The following RBFOX1 variants were observed in gnomAD, a reference collection of about 807,000 sequenced individuals.
The protein encoded by RBFOX1 is RNA binding protein fox-1 homolog 1.
In RBFOX1, 8 loss-of-function variants were observed where a neutral mutation model predicts 57.7. That is an observed-to-expected ratio of 0.14 (90% confidence interval 0.08 to 0.25). The LOEUF (loss-of-function observed/expected upper bound fraction) is 0.25. Ranked by LOEUF, RBFOX1 falls within the 10% of genes least tolerant of loss-of-function variation. RBFOX1 has a pLI of 1.00. For synonymous variants in RBFOX1, 326 were observed against 222.4 expected (o/e 1.47, Z -4.15); for missense variants, 611 against 548.5 (o/e 1.11, Z -1.14).
rs511767 is a variant in RBFOX1, at chr16:5,394,695, C to A, written c.220-72521C>A. On this transcript the variant is annotated intron_variant, in intron 1 of 2. Transcript: ENST00000585867. ...TCCTAAGTAGCTGAGACTACAGATG[C>A]ATGCAACCATATCTGGCTAATTTTT... Among the ~76,000 whole-genome samples, 301 of 151,820 alleles carry A rather than the reference C, an allele frequency of 2.0e-3. 3 individuals carry two copies. Among genetic ancestry groups the A allele is most frequent in the African/African-American group, 7.0e-3 (288 of 41,396 alleles).
chr16:7,368,996 G>T (rs1336103921), intron 4 of RBFOX1, among the ~76,000 whole-genome samples: 3 of 152,040 alleles, frequency 2.0e-5, no homozygotes, highest in Admixed American at 2.0e-4. Flanking sequence ...TGAGCAAGAA[G>T]TGCTAGATGA....
intron 2 of RBFOX1, among the ~76,000 whole-genome samples, chr16:6,579,056 A>T (rs927953995): frequency 6.6e-6 from 1 of 152,110 alleles, no homozygotes; most frequent in Non-Finnish European, 1.5e-5. Context: ...AAAAATAACA[A>T]ATAATTTTTG....
chr16:7,011,307 C>G (rs2093642737), intron 3 of RBFOX1, among the ~76,000 whole-genome samples: 1 of 152,172 alleles, frequency 6.6e-6, no homozygotes, highest in African/African-American at 2.4e-5. Context: ...ATCATTTTCA[C>G]TTTGCAGAAG....
At chr16:6,209,219 G>A (rs932908934) in intron 1 of RBFOX1, among the ~76,000 whole-genome samples, 1 of 152,108 alleles carries the variant, frequency 6.6e-6, no homozygotes, top group Non-Finnish European at 1.5e-5. Context: ...GAATGTGAAG[G>A]CATCTTCACA....
chr16:6,517,921 G>C (rs139086013), intron 2 of RBFOX1, among the ~76,000 whole-genome samples: 4 of 152,168 alleles, frequency 2.6e-5, no homozygotes, highest in African/African-American at 9.7e-5. Context: ...ATGAGATGTC[G>C]ATAGTAGTGA....
At chr16:7,120,830 T>TACACACAC (rs397836603) in intron 4 of RBFOX1, among the ~76,000 whole-genome samples, 1,416 of 86,568 alleles carry the variant, frequency 0.016, 22 homozygotes, top group African/African-American at 0.05. Context: ...TATGTATATA[T>TACACACAC]ACACACACAC....
intron 5 of RBFOX1, among the ~76,000 whole-genome samples, chr16:7,567,774 T>C (rs1422900150): frequency 2.7e-5 from 4 of 147,712 alleles, no homozygotes; most frequent in Non-Finnish European, 6.0e-5. Flanking sequence ...TATATCCCTC[T>C]CTATATATAT....
chr16:5,282,597 T>A (rs1222637609), intron 1 of RBFOX1, among the ~76,000 whole-genome samples: 1 of 135,136 alleles, frequency 7.4e-6, no homozygotes, highest in African/African-American at 2.7e-5. Flanking sequence ...ACTCCTATTA[T>A]GTTTTAGCAA....
chr16:7,530,751 A>G (rs898927886), intron 5 of RBFOX1, among the ~76,000 whole-genome samples: 5 of 152,188 alleles, frequency 3.3e-5, no homozygotes, highest in East Asian at 1.9e-4. Flanking sequence ...TGACTGTACA[A>G]TCTCTGCAGG....
chr16:5,795,829 CT>C (rs369066586), intron 3 of RBFOX1, among the ~76,000 whole-genome samples: 1 of 152,142 alleles, frequency 6.6e-6, no homozygotes, highest in Non-Finnish European at 1.5e-5. Flanking sequence ...GAAGGATTTG[CT>C]TTTTTTCACT....
intron 1 of RBFOX1, among the ~76,000 whole-genome samples, chr16:5,435,016 C>G (rs1238976631): frequency 1.3e-5 from 2 of 152,178 alleles, no homozygotes; most frequent in African/African-American, 4.8e-5. Context: ...ACTGTCCTTG[C>G]CACCCAAGCT....
chr16:7,142,998 G>A (rs2074171194), intron 4 of RBFOX1, among the ~76,000 whole-genome samples: 1 of 151,836 alleles, frequency 6.6e-6, no homozygotes, highest in South Asian at 2.1e-4. Context: ...ATTGGGACTG[G>A]GTGGTTGAGA....
At chr16:7,664,405 T>C (rs2068632697) in intron 12 of RBFOX1, among the ~76,000 whole-genome samples, 1 of 152,138 alleles carries the variant, frequency 6.6e-6, no homozygotes, top group Non-Finnish European at 1.5e-5. Flanking sequence ...TGTGAAAGAA[T>C]ATAGAAGAAA....
At chr16:5,378,174 A>G (rs2066036525) in intron 1 of RBFOX1, among the ~76,000 whole-genome samples, 1 of 151,582 alleles carries the variant, frequency 6.6e-6, no homozygotes, top group Non-Finnish European at 1.5e-5. Context: ...CGTTTTCTGG[A>G]ATATTCAGCA....
chr16:6,137,257 G>C (rs987979588), intron 1 of RBFOX1, among the ~76,000 whole-genome samples: 5 of 152,176 alleles, frequency 3.3e-5, no homozygotes, highest in Non-Finnish European at 7.3e-5. Context: ...CTATGTGCCA[G>C]ATGCTGATCT....
intron 2 of RBFOX1, among the ~76,000 whole-genome samples, chr16:6,398,815 A>G (rs890623159): frequency 2.0e-5 from 3 of 152,100 alleles, no homozygotes; most frequent in African/African-American, 4.8e-5. Flanking sequence ...CTACCATGCT[A>G]CCATTCTGGG....
At chr16:5,314,134 A>G (rs1000207832) in intron 1 of RBFOX1, among the ~76,000 whole-genome samples, 4 of 152,216 alleles carry the variant, frequency 2.6e-5, no homozygotes, top group Non-Finnish European at 4.4e-5. Flanking sequence ...TGGGTGCTGT[A>G]TTATCTATCC....
At chr16:6,848,293 C>A (rs946073902) in intron 3 of RBFOX1, among the ~76,000 whole-genome samples, 3 of 152,056 alleles carry the variant, frequency 2.0e-5, no homozygotes, top group African/African-American at 7.2e-5. Context: ...GGAAGGTGGG[C>A]ATAGTATGGC....
intron 1 of RBFOX1, among the ~76,000 whole-genome samples, chr16:6,103,954 T>C (rs925164436): frequency 5.9e-5 from 9 of 152,202 alleles, no homozygotes; most frequent in African/African-American, 2.2e-4. Flanking sequence ...GCCCTAGCCA[T>C]TGGGGCTCAG....
Sources: allele counts gnomAD v4.1 joint callset (sites outside exome capture counted in the v4.1 genomes callset), GRCh38; gene constraint gnomAD v4.1.1; transcripts MANE v1.5; gene names NCBI Gene and HGNC (gene_info 2026-07-23, HGNC 2026-07-21).